The following DPP10 variants were observed in gnomAD, a reference collection of about 807,000 sequenced individuals.
DPP10 encodes dipeptidyl peptidase like 10.
Under a neutral mutation model 120.9 loss-of-function variants are expected in DPP10, and 33 were observed. The observed-to-expected ratio is 0.27, with a 90% CI of 0.21 to 0.37. The LOEUF (loss-of-function observed/expected upper bound fraction) is 0.37. Among genes scored for constraint, DPP10 ranks in the 10% least tolerant of loss-of-function variants. The pLI is 1.00. For synonymous variants in DPP10, 337 were observed against 326.1 expected (o/e 1.03, Z -0.36); for missense variants, 816 against 942.8 (o/e 0.87, Z 1.76).
chr2:115,012,886 A>G (rs565302481), intron 1 of DPP10, among the ~76,000 whole-genome samples: 120 of 152,322 alleles, frequency 7.9e-4, no homozygotes, highest in African/African-American at 2.8e-3. Context: ...GGCACCAGAG[A>G]AAGGCAAAAT....
At chr2:114,893,691 AC>A (rs1692730571) in intron 1 of DPP10, among the ~76,000 whole-genome samples, 1 of 152,136 alleles carries the variant, frequency 6.6e-6, no homozygotes, top group Admixed American at 6.5e-5. Context: ...AATAACCATG[AC>A]CTGCTCCAGG....
At chr2:115,465,530 T>A (rs2074270863) in intron 3 of DPP10, among the ~76,000 whole-genome samples, 1 of 152,066 alleles carries the variant, frequency 6.6e-6, no homozygotes, top group Non-Finnish European at 1.5e-5. Context: ...TGCGTTAAAA[T>A]GGAAAATGTA....
At chr2:115,070,358 A>G (rs562238129) in intron 1 of DPP10, among the ~76,000 whole-genome samples, 1 of 152,310 alleles carries the variant, frequency 6.6e-6, no homozygotes, top group East Asian at 1.9e-4. Context: ...GAACTAGACC[A>G]CATAACCATC....
At chr2:114,795,677 A>T (rs896762399) in intron 1 of DPP10, among the ~76,000 whole-genome samples, 1 of 152,170 alleles carries the variant, frequency 6.6e-6, no homozygotes, top group Non-Finnish European at 1.5e-5. Flanking sequence ...AAATGTTTAG[A>T]GATTTGTGAC....
At chr2:114,923,184 T>A (rs10185929) in intron 1 of DPP10, among the ~76,000 whole-genome samples, 1 of 151,354 alleles carries the variant, frequency 6.6e-6, no homozygotes. Flanking sequence ...ATTTTTTTTC[T>A]TTTTTCTTTT....
intron 1 of DPP10, chr2:115,233,908 C>T (rs1351016554): frequency 1.4e-5 from 7 of 516,616 alleles, no homozygotes; most frequent in Admixed American, 7.8e-5. Flanking sequence ...AGCCCTTCTT[C>T]TGCCCAGTAG....
chr2:115,428,460 CTTCT>C (rs1434877864), intron 3 of DPP10, among the ~76,000 whole-genome samples: 1 of 152,110 alleles, frequency 6.6e-6, no homozygotes, highest in Admixed American at 6.6e-5. Flanking sequence ...GTTTGCTTGG[CTTCT>C]GGGGAGGCCT....
At chr2:115,620,213 C>T (rs2084842483) in intron 5 of DPP10, among the ~76,000 whole-genome samples, 1 of 152,176 alleles carries the variant, frequency 6.6e-6, no homozygotes, top group Non-Finnish European at 1.5e-5. Flanking sequence ...ACTAGTCTGA[C>T]TTTCCACGTG....
chr2:115,639,827 A>G (rs1428459602), intron 5 of DPP10, among the ~76,000 whole-genome samples: 1 of 152,132 alleles, frequency 6.6e-6, no homozygotes, highest in Non-Finnish European at 1.5e-5. Context: ...TGGGAAATAT[A>G]TGATTCGCAG....
intron 1 of DPP10, among the ~76,000 whole-genome samples, chr2:114,767,532 A>AAGAC (rs1680848505): frequency 1.3e-5 from 2 of 152,218 alleles, no homozygotes; most frequent in African/African-American, 4.8e-5. Context: ...CACCAAAGGA[A>AAGAC]AGACAGAAAG....
intron 7 of DPP10, among the ~76,000 whole-genome samples, chr2:115,718,932 C>A (rs1329155565): frequency 6.6e-6 from 1 of 151,982 alleles, no homozygotes; most frequent in Non-Finnish European, 1.5e-5. Flanking sequence ...CCGCATAAAT[C>A]AACACATAAG....
intron 1 of DPP10, among the ~76,000 whole-genome samples, chr2:115,078,855 C>T (rs1051419434): frequency 1.3e-5 from 2 of 152,086 alleles, no homozygotes; most frequent in African/African-American, 4.8e-5. Context: ...CAAAGAGTAA[C>T]ACCATAATTA....
chr2:115,384,842 A>G (rs182397487), intron 3 of DPP10, among the ~76,000 whole-genome samples: 1 of 152,230 alleles, frequency 6.6e-6, no homozygotes, highest in East Asian at 1.9e-4. Flanking sequence ...TCTCCACCCA[A>G]ATCTCATCTT....
intron 1 of DPP10, among the ~76,000 whole-genome samples, chr2:114,815,438 C>T (rs1274897060): frequency 2.0e-5 from 3 of 152,122 alleles, no homozygotes; most frequent in Non-Finnish European, 4.4e-5. Context: ...TGAAACTTTC[C>T]AGAAACATCT....
At chr2:115,066,442 A>G (rs1362400472) in intron 1 of DPP10, among the ~76,000 whole-genome samples, 3 of 152,214 alleles carry the variant, frequency 2.0e-5, no homozygotes, top group Non-Finnish European at 4.4e-5. Context: ...CAACCTAAAT[A>G]TAAAATTAGA....
chr2:115,524,593 G>T (rs1196802520), intron 4 of DPP10, among the ~76,000 whole-genome samples: 1 of 152,082 alleles, frequency 6.6e-6, no homozygotes, highest in Non-Finnish European at 1.5e-5. Context: ...CTGGCCAGTT[G>T]CTGAACTCTG....
intron 1 of DPP10, chr2:115,064,455 T>C: frequency 4.1e-6 from 1 of 241,456 alleles, no homozygotes; most frequent in Non-Finnish European, 8.7e-6. Flanking sequence ...TGACTGTGGC[T>C]CAGAACCGTG....
chr2:114,657,615 A>G (rs1294613104), intron 1 of DPP10, among the ~76,000 whole-genome samples: 3 of 152,156 alleles, frequency 2.0e-5, no homozygotes, highest in Non-Finnish European at 4.4e-5. Flanking sequence ...TCATCACTAA[A>G]CATATTTGTT....
chr2:115,725,092 G>A (rs1421333218), intron 7 of DPP10, among the ~76,000 whole-genome samples: 1 of 152,138 alleles, frequency 6.6e-6, no homozygotes, highest in Non-Finnish European at 1.5e-5. Context: ...GCGACTCACT[G>A]AAGAAAATAA....
Sources: gnomAD v4.1 joint callset for allele counts (sites outside exome capture counted in the v4.1 genomes callset) on GRCh38, gnomAD v4.1.1 for gene constraint, MANE v1.5 for transcripts, NCBI Gene and HGNC (gene_info 2026-07-23, HGNC 2026-07-21) for gene names.